Variants in SPTBN5 observed in about 807,000 individuals in gnomAD.
The protein encoded by SPTBN5 is spectrin beta, non-erythrocytic 5.
A neutral mutation model predicts 477.6 loss-of-function variants in SPTBN5; 513 were observed. That is an observed-to-expected ratio of 1.07 (90% CI 1.00 to 1.16). The LOEUF (loss-of-function observed/expected upper bound fraction) is 1.16. SPTBN5 is among the 50% of genes most tolerant of loss of function. The pLI, the probability that SPTBN5 is intolerant of heterozygous loss-of-function variation, is 0.00. For missense variants in SPTBN5, 5,062 were observed against 4,731.8 expected (o/e 1.07, Z -2.05); for synonymous variants, 2,169 against 2,011.7 (o/e 1.08, Z -2.09).
chr15:41,860,293 G>A lies in SPTBN5; in HGVS notation c.7988+293C>T, dbSNP rs557744532. ...TGACCTCTGTGCCCTGCGACCTTCCGTTTCGTGAGATGATTTCCTCTTGGT... is the reference window on the plus strand; with the variant it reads ...TGACCTCTGTGCCCTGCGACCTTCCATTTCGTGAGATGATTTCCTCTTGGT... On this transcript the variant is annotated intron_variant, in intron 47 of 67. Coordinates refer to ENST00000320955, the MANE Select transcript of SPTBN5 (RefSeq NM_016642.4). Among the ~76,000 whole-genome samples the A allele has an allele frequency of 1.3e-4, 20 of 152,326 alleles. No homozygotes were observed. The East Asian group carries it at 2.3e-3, about 18-fold the overall frequency.
At chr15:41,876,484 G>C in intron 20 of SPTBN5, 64 bp downstream of exon 20, 1 of 1,445,194 alleles carries the variant, frequency 6.9e-7, no homozygotes, top group Non-Finnish European at 9.5e-7. Context: ...GCTGCACAGA[G>C]CTCTGTACGG....
At position 41,853,399 on chromosome 15, in the gene SPTBN5, A is replaced by AGCCAGCTCCTCGGAGGAC. The variant is rs752143933; in HGVS notation, c.10011_10028dup (p.Ser3338_Ala3343dup). ...GCTGCTCAGCCCCCGCCACGTCCTC[A>AGCCAGCTCCTCGGAGGAC]GCCAGCTCCTCGGAGGACGCCAGCT... On this transcript the variant is annotated inframe_insertion, in exon 59 of 68. Coordinates refer to ENST00000320955, the MANE Select transcript of SPTBN5 (RefSeq NM_016642.4). The AGCCAGCTCCTCGGAGGAC allele has an allele frequency of 5.6e-6, 9 of 1,606,438 alleles. No individual in the cohort carries two copies. The African/African-American group carries it at 1.1e-4, about 19-fold the overall frequency.
At position 41,851,156 on chromosome 15, in the gene SPTBN5, G is replaced by C. The variant is rs1344368875; in HGVS notation, c.10744-6C>G. 1.9e-6 allele frequency: 3 copies of C among 1,611,846 alleles called. No homozygotes were observed. Among genetic ancestry groups the C allele is most frequent in the Non-Finnish European group, 2.5e-6 (3 of 1,179,254 alleles). ...AGGGCTATGGAAGCTACTTTCTGAG[G>C]AGAGATGAGAGGCAGGGGTCACTGC... On this transcript the variant is annotated splice_polypyrimidine_tract_variant and splice_region_variant and intron_variant, in intron 64 of 67. Transcript: ENST00000320955.
rs1260827956 is a variant in SPTBN5, at chr15:41,872,364, C to A, written c.5103G>T (p.Gln1701His). ...CCCGGAGCCTCTCCTGCACCACACG[C>A]TGCTGCTCAGGGACTTCGGGGCCAG... ...TLTGPEVPEQ[Q>H]RVVQERLREQ... Residue 1701 changes from glutamine to histidine, a missense_variant, in exon 27 of 68, where the codon CAG (glutamine) becomes CAT (histidine). Physicochemically the swap from Gln to His is conservative, Grantham distance 24. Coordinates refer to ENST00000320955, the MANE Select transcript of SPTBN5 (RefSeq NM_016642.4). The A allele has an allele frequency of 1.2e-6, 2 of 1,611,480 alleles. No homozygotes were observed. The highest frequency in any genetic ancestry group is 1.3e-5 in the African/African-American group (1 of 75,014).
At position 41,877,206 on chromosome 15, in the gene SPTBN5, C is replaced by T. The variant is rs2066769928; in HGVS notation, c.3621G>A (p.Gly1207=). ...CTCGGCCAAACTTCTGCAGCTCCAG[C>T]CCCTCTTGCAGCCACTGCTGCCTCT... ...WEQRQQWLQE[G]LELQKFGREV... The change falls in exon 18 of 68, where the codon GGG becomes GGA. Residue 1207 remains glycine (G), a synonymous_variant. Transcript: ENST00000320955. 1 of 1,614,014 alleles carries T rather than the reference C, an allele frequency of 6.2e-7. No individual in the cohort carries two copies. Among genetic ancestry groups the T allele is most frequent in the Non-Finnish European group, 8.5e-7 (1 of 1,179,894 alleles).
Position 41,865,862 on chromosome 15 carries a change from C to G in SPTBN5, c.6864G>C (p.Glu2288Asp). 6.3e-7 allele frequency: 1 copy of G among 1,584,110 alleles called. No individual in the cohort carries two copies. The highest frequency in any genetic ancestry group is 1.2e-5 in the South Asian group (1 of 86,282). The part of the protein sequence containing the change: ...MNVGDLGQDL[E>D]HCLQLRRRLR... The stretch of plus-strand genomic sequence containing the variant: ...GCCGCCGTCGGAGCTGCAGGCAGTG[C>G]TCCAGGTCCTGGCCCAGGTCACCAA... The change falls in exon 39 of 68, where the codon GAG (glutamate) becomes GAC (aspartate). Residue 2288 changes from glutamate (E) to aspartate (D), a missense_variant. Glu to Asp is a conservative substitution (Grantham distance 45). Transcript: ENST00000320955.
At chr15:41,890,265 C>G in intron 3 of SPTBN5, 60 bp from the exon 4 acceptor site, 1 of 1,255,410 alleles carries the variant, frequency 8.0e-7, no homozygotes, top group Non-Finnish European at 1.1e-6. Context: ...GACTCAGTCA[C>G]CAAAAGCTTA....
At chr15:41,850,031 TC>T in intron 66 of SPTBN5, 72 bp from the exon 67 acceptor site, 1 of 1,266,500 alleles carries the variant, frequency 7.9e-7, no homozygotes, top group Non-Finnish European at 1.1e-6. Context: ...GGCTGCTCCT[TC>T]CTCCAGCTTC....
intron 13 of SPTBN5, 132 bp downstream of exon 13, chr15:41,880,902 T>A: frequency 1.3e-6 from 1 of 791,676 alleles, no homozygotes; most frequent in Non-Finnish European, 2.0e-6. Context: ...TTGTCTGACA[T>A]CTTCTCAGCC....
In SPTBN5 at chr15:41,855,344, C is replaced by G. The variant is rs1217913884; in HGVS notation, c.9303G>C (p.Leu3101=). The G allele has an allele frequency of 1.2e-6, 2 of 1,606,902 alleles. No homozygotes were observed. Among genetic ancestry groups the G allele is most frequent in the Non-Finnish European group, 1.7e-6 (2 of 1,179,722 alleles). The change falls in exon 55 of 68, where the codon CTG becomes CTC. Residue 3101 remains leucine, a synonymous_variant. Coordinates refer to ENST00000320955, the MANE Select transcript of SPTBN5 (RefSeq NM_016642.4). ...GCTGGTGTAGCTGCAGCTGCTCCTG[C>G]AGGCCGTGCCCCCTGGCCTCCGCCC... The part of the protein sequence containing the change: ...LRRAEARGHG[L]QEQLQLHQLE...
chr15:41,887,821 T>G, intron 5 of SPTBN5, 107 bp downstream of exon 5: 2 of 1,163,604 alleles, frequency 1.7e-6, no homozygotes, highest in Admixed American at 4.8e-5. Context: ...GTGTCCACTT[T>G]CCCTCCTTCA....
Position 41,855,579 on chromosome 15 carries a change from G to A in SPTBN5, c.9188C>T (p.Ala3063Val), listed in dbSNP as rs1227567101. 1 of 1,611,930 alleles carries A rather than the reference G, an allele frequency of 6.2e-7. No homozygotes were observed. Among genetic ancestry groups the A allele is most frequent in the Non-Finnish European group, 8.5e-7 (1 of 1,179,744 alleles). ...TGGGTTCTTCCTGCTCTCCAGGAGT[G>A]CTGCTGTCTGCTGCAGCCGCTCGAT... ...PRIERLQQTA[A>V]LLESRKNPES... The change falls in exon 54 of 68, where the codon GCA (alanine) becomes GTA (valine). Residue 3063 changes from alanine to valine, a missense_variant. Physicochemically the swap from Ala to Val is moderately conservative, Grantham distance 64 (BLOSUM62 0). Transcript: ENST00000320955.
At chr15:41,886,417 G>T in intron 6 of SPTBN5, 51 bp from the exon 7 acceptor site, 1 of 1,512,552 alleles carries the variant, frequency 6.6e-7, no homozygotes. Flanking sequence ...GCAGGCCCTG[G>T]AATGGGCACT....
chr15:41,873,493 T>TTGTTAATGAGCCTGA lies in SPTBN5; in HGVS notation c.5005_5006insTCAGGCTCATTAACA (p.Gln1669delinsLeuArgLeuIleAsnLys). ...CAGGGGAGGCTCAGGACGTGGTACC[T>TTGTTAATGAGCCTGA]GGTGCTTGTTAATGAGCCTGAGGGT... On this transcript the variant is annotated protein_altering_variant and splice_region_variant, in exon 26 of 68. Transcript: ENST00000320955. The TTGTTAATGAGCCTGA allele has an allele frequency of 6.4e-7, 1 of 1,550,618 alleles. No homozygotes were observed. The highest frequency in any genetic ancestry group is 8.7e-7 in the Non-Finnish European group (1 of 1,146,064).
In SPTBN5 at chr15:41,872,462, A is replaced by G; in HGVS notation, c.5008-3T>C. ...ATGGCTAGTTCCTCCTGTAGAGCCTATGATGCATGAGGACCCATGCCAGGC... is the reference window on the plus strand; with the variant it reads ...ATGGCTAGTTCCTCCTGTAGAGCCTGTGATGCATGAGGACCCATGCCAGGC... On this transcript the variant is annotated splice_region_variant and splice_polypyrimidine_tract_variant and intron_variant, in intron 26 of 67. Coordinates refer to ENST00000320955, the MANE Select transcript of SPTBN5 (RefSeq NM_016642.4). 3 of 1,553,088 alleles carry G rather than the reference A, an allele frequency of 1.9e-6. No homozygotes were observed. In the South Asian group the frequency reaches 3.6e-5, roughly 18 times the overall value.
chr15:41,876,062 T>G, intron 21 of SPTBN5, 52 bp downstream of exon 21: 1 of 1,562,658 alleles, frequency 6.4e-7, no homozygotes, highest in Non-Finnish European at 8.7e-7. Context: ...TGCAGTAGGG[T>G]TGGGAATTTG....
At position 41,873,550 on chromosome 15, in the gene SPTBN5, C is replaced by T. The variant is rs752834486; in HGVS notation, c.4949G>A (p.Ser1650Asn). ...CTCGTCTCTGCCATAGTCCCGACTG[C>T]TCACCAGCGGCCGCTTCTCCTCCAC... is the stretch of plus-strand genomic sequence containing the variant. ...GWVEEKRPLVSSRDYGRDEAA... is the reference protein window; with the variant it reads ...GWVEEKRPLVNSRDYGRDEAA... The change falls in exon 26 of 68, where the codon AGC becomes AAC. Residue 1650 changes from serine (S) to asparagine (N), a missense_variant. Physicochemically the swap from Ser to Asn is conservative, Grantham distance 46. Coordinates refer to ENST00000320955, the MANE Select transcript of SPTBN5 (RefSeq NM_016642.4). The T allele has an allele frequency of 4.7e-5, 73 of 1,552,250 alleles. No homozygotes were observed. The highest frequency in any genetic ancestry group is 6.3e-5 in the Non-Finnish European group (72 of 1,147,304).
At chr15:41,861,962 G>A (rs2066124490) in intron 44 of SPTBN5, 39 bp from the exon 45 acceptor site, 1 of 1,572,016 alleles carries the variant, frequency 6.4e-7, no homozygotes, top group Non-Finnish European at 8.6e-7. Context: ...GGGGCTGGAA[G>A]CAGCCCAGCA....
intron 3 of SPTBN5, among the ~76,000 whole-genome samples, chr15:41,892,575 A>G (rs972755435): frequency 6.6e-6 from 1 of 152,228 alleles, no homozygotes; most frequent in African/African-American, 2.4e-5. Context: ...CATCTGTGAA[A>G]TGAAAAGCCT....
Sources: gnomAD v4.1 joint callset for allele counts (sites outside exome capture counted in the v4.1 genomes callset) on GRCh38, gnomAD v4.1.1 for gene constraint, MANE v1.5 for transcripts, NCBI Gene and HGNC (gene_info 2026-07-23, HGNC 2026-07-21) for gene names.